SNX18: variants seen among roughly 807,000 people sequenced by gnomAD.
The protein encoded by SNX18 is sorting nexin 18, also known as sorting nexin-18.
In SNX18, 35 loss-of-function variants were observed where a neutral mutation model predicts 48.7. The ratio of observed to expected loss-of-function variants is 0.72; its 90% CI spans 0.55 to 0.95. The LOEUF is 0.95. Among genes scored for constraint, SNX18 ranks in the 40% least tolerant of loss-of-function variants. The probability of loss-of-function intolerance (pLI) is 0.00; values close to 1 mark genes in which losing one functional copy is unlikely to be tolerated. For synonymous variants in SNX18, 492 were observed against 384.7 expected (o/e 1.28, Z -3.26); for missense variants, 824 against 871.0 (o/e 0.95, Z 0.68).
At chr5:54,525,910 C>A (rs1042692266) in intron 1 of SNX18, among the ~76,000 whole-genome samples, 1 of 152,118 alleles carries the variant, frequency 6.6e-6, no homozygotes, top group Non-Finnish European at 1.5e-5. Context: ...TGTGAAAGAA[C>A]ATTTATGCAC....
the SNX18 span, among the ~76,000 whole-genome samples, chr5:54,607,822 T>C: frequency 6.6e-6 from 1 of 152,188 alleles, no homozygotes; most frequent in African/African-American, 2.4e-5. Context: ...TAGGTCCAGT[T>C]ACTCAGGAGG....
chr5:54,530,227 C>A (rs144287514), intron 1 of SNX18, among the ~76,000 whole-genome samples: 2 of 152,322 alleles, frequency 1.3e-5, no homozygotes, highest in East Asian at 3.9e-4. Flanking sequence ...CTTACCTTAA[C>A]TAATTACATA....
the SNX18 span, among the ~76,000 whole-genome samples, chr5:54,553,660 A>G: frequency 6.6e-5 from 10 of 152,304 alleles, no homozygotes; most frequent in African/African-American, 2.4e-4. Context: ...CCGAGATGTA[A>G]CAGATTGACT....
chr5:54,570,540 G>A, the SNX18 span, among the ~76,000 whole-genome samples: 13 of 152,270 alleles, frequency 8.5e-5, no homozygotes, highest in South Asian at 8.3e-4. Context: ...CCTAAGACAC[G>A]TAACCCAATA....
the SNX18 span, among the ~76,000 whole-genome samples, chr5:54,574,536 G>T: frequency 0.17 from 25,956 of 152,096 alleles, 2,345 homozygotes; most frequent in African/African-American, 0.23. Context: ...GGGATTCTAT[G>T]CCCAGTTAAA....
chr5:54,631,510 G>A, the SNX18 span, among the ~76,000 whole-genome samples: 1 of 152,158 alleles, frequency 6.6e-6, no homozygotes, highest in Non-Finnish European at 1.5e-5. Flanking sequence ...CACATGACGA[G>A]TTTATTCTCC....
At chr5:54,607,672 C>G in the SNX18 span, among the ~76,000 whole-genome samples, 1 of 152,152 alleles carries the variant, frequency 6.6e-6, no homozygotes, top group Non-Finnish European at 1.5e-5. Context: ...GTGGCTCATG[C>G]CTGTAGTCTC....
chr5:54,631,890 G>A, the SNX18 span, among the ~76,000 whole-genome samples: 35 of 152,194 alleles, frequency 2.3e-4, no homozygotes, highest in Non-Finnish European at 7.3e-5. Flanking sequence ...GCTGAAGTCT[G>A]TTTCAGCCCC....
At chr5:54,589,203 C>T in the SNX18 span, among the ~76,000 whole-genome samples, 1 of 152,106 alleles carries the variant, frequency 6.6e-6, no homozygotes. Context: ...TAAGTTGCAT[C>T]CCTTTTCCTC....
At chr5:54,547,407 C>G (rs997625825), downstream of SNX18, among the ~76,000 whole-genome samples, 2 of 152,246 alleles carry the variant, frequency 1.3e-5, no homozygotes, top group African/African-American at 4.8e-5. Context: ...AAATTGGGAT[C>G]TGGCTCAAGC....
At chr5:54,527,875 C>T (rs889307667) in intron 1 of SNX18, among the ~76,000 whole-genome samples, 2 of 151,936 alleles carry the variant, frequency 1.3e-5, no homozygotes, top group African/African-American at 4.8e-5. Flanking sequence ...TTTGTTTTTC[C>T]ATTTATATGA....
the SNX18 span, among the ~76,000 whole-genome samples, chr5:54,588,145 G>A: frequency 2.6e-5 from 4 of 151,752 alleles, no homozygotes; most frequent in African/African-American, 7.2e-5. Context: ...GTATAGTGTC[G>A]CCATAATTTT....
intron 1 of SNX18, among the ~76,000 whole-genome samples, chr5:54,522,065 T>G (rs1369183002): frequency 6.6e-6 from 1 of 152,238 alleles, no homozygotes; most frequent in Non-Finnish European, 1.5e-5. Flanking sequence ...TGGTGTGTAA[T>G]GTACAGTGAA....
chr5:54,608,800 C>T, the SNX18 span, among the ~76,000 whole-genome samples: 4 of 152,130 alleles, frequency 2.6e-5, no homozygotes, highest in South Asian at 2.1e-4. Context: ...AGTACCCATC[C>T]TCCTAGGCTG....
At chr5:54,603,252 T>TA in the SNX18 span, among the ~76,000 whole-genome samples, 1 of 147,368 alleles carries the variant, frequency 6.8e-6, no homozygotes, top group Admixed American at 6.9e-5. Context: ...ATATATATAT[T>TA]TTTTTAGAGA....
intron 1 of SNX18, among the ~76,000 whole-genome samples, chr5:54,529,304 C>T (rs936380246): frequency 3.3e-5 from 5 of 152,166 alleles, no homozygotes; most frequent in African/African-American, 9.7e-5. Flanking sequence ...ATAGAGATGC[C>T]TGGAGATGGC....
At chr5:54,586,709 A>G in the SNX18 span, among the ~76,000 whole-genome samples, 1 of 152,208 alleles carries the variant, frequency 6.6e-6, no homozygotes, top group Non-Finnish European at 1.5e-5. Context: ...TCTTAATACT[A>G]TCACAATGGC....
chr5:54,569,320 T>G, the SNX18 span, among the ~76,000 whole-genome samples: 22 of 152,198 alleles, frequency 1.4e-4, no homozygotes, highest in Non-Finnish European at 2.9e-4. Flanking sequence ...ACATTTATAC[T>G]TTTTGCAAAA....
the SNX18 span, among the ~76,000 whole-genome samples, chr5:54,641,108 C>A: frequency 6.6e-6 from 1 of 152,040 alleles, no homozygotes; most frequent in East Asian, 1.9e-4. Context: ...GTTCTGAGAG[C>A]TTGACATGGT....
Sources: gnomAD v4.1 joint callset for allele counts (sites outside exome capture counted in the v4.1 genomes callset) on GRCh38, gnomAD v4.1.1 for gene constraint, MANE v1.5 for transcripts, NCBI Gene and HGNC (gene_info 2026-07-23, HGNC 2026-07-21) for gene names.